The following SH3PXD2A variants were observed in gnomAD, a reference collection of about 807,000 sequenced individuals.
SH3PXD2A encodes SH3 and PX domains 2A.
In SH3PXD2A, 32 loss-of-function variants were observed where a neutral mutation model predicts 115.2. That is an observed-to-expected ratio of 0.28 (90% confidence interval 0.21 to 0.37). The LOEUF is 0.37. Ranked by LOEUF, SH3PXD2A falls within the 10% of genes least tolerant of loss-of-function variation. The pLI, the probability that SH3PXD2A is intolerant of heterozygous loss-of-function variation, is 1.00. For missense variants in SH3PXD2A, 1,328 were observed against 1,498.7 expected (o/e 0.89, Z 1.88); for synonymous variants, 610 against 629.1 (o/e 0.97, Z 0.45).
At chr10:103,848,867 C>T (rs7091042) in intron 1 of SH3PXD2A, among the ~76,000 whole-genome samples, 19,597 of 151,530 alleles carry the variant, frequency 0.13, 2,410 homozygotes, top group African/African-American at 0.32. Flanking sequence ...CGCCAGGTAC[C>T]GGTCTAAGCT....
At chr10:103,646,265 C>T (rs1014202471) in intron 8 of SH3PXD2A, among the ~76,000 whole-genome samples, 3 of 152,098 alleles carry the variant, frequency 2.0e-5, no homozygotes, top group African/African-American at 7.2e-5. Context: ...TGCCCCATTC[C>T]CTTCCTGTCT....
At position 103,661,197 on chromosome 10, in the gene SH3PXD2A, C is replaced by CG. The variant is rs2037295313; in HGVS notation, c.473-84dup. 1.5e-5 allele frequency: 22 copies of CG among 1,501,142 alleles called. No homozygotes were observed. In the East Asian group the frequency reaches 5.2e-4, roughly 36 times the overall value. The allele number at this position is 1,501,142 out of a possible 1,614,324, so 93.0% of individuals were successfully genotyped here. A position where few individuals can be genotyped will look rare whatever the true frequency, so the allele number is the denominator to read the frequency against. ...GGCGCCCCCTGTCCATCGGCCTCCTCGGGGGTGGCTGCTCTGTCGCCAGCG... is the reference window on the plus strand; with the variant it reads ...GGCGCCCCCTGTCCATCGGCCTCCTCGGGGGGTGGCTGCTCTGTCGCCAGCG... On this transcript the variant is annotated intron_variant, in intron 7 of 14. Coordinates refer to ENST00000369774, the MANE Select transcript of SH3PXD2A (RefSeq NM_001394015.1).
At position 103,855,179 on chromosome 10, in the gene SH3PXD2A, C is replaced by CG; in HGVS notation, c.72+15dup. On this transcript the variant is annotated intron_variant, in intron 1 of 14. Coordinates refer to ENST00000369774, the MANE Select transcript of SH3PXD2A (RefSeq NM_001394015.1). ...CTCGGGCCACCCCCAGCAGGGTCGGCGGGGGCTGTACTCACGTAGTGCTTG... is the reference window on the plus strand; with the variant it reads ...CTCGGGCCACCCCCAGCAGGGTCGGCGGGGGGCTGTACTCACGTAGTGCTTG... 6.6e-7 allele frequency: 1 copy of CG among 1,518,126 alleles called. No homozygotes were observed. 94.0% of individuals were successfully genotyped at this position (1,518,126 alleles called of 1,614,324 possible).
intron 13 of SH3PXD2A, chr10:103,609,602 T>A (rs2036394531): frequency 6.6e-6 from 1 of 152,178 alleles, no homozygotes; most frequent in Non-Finnish European, 1.5e-5. Context: ...GTCTACTGGG[T>A]GCCAGACACT....
At chr10:103,638,515 T>C (rs2036900337) in intron 8 of SH3PXD2A, among the ~76,000 whole-genome samples, 1 of 152,158 alleles carries the variant, frequency 6.6e-6, no homozygotes, top group African/African-American at 2.4e-5. Flanking sequence ...GGACACATGG[T>C]TAAATGACAG....
intron 8 of SH3PXD2A, among the ~76,000 whole-genome samples, chr10:103,644,585 C>CA (rs34818569): frequency 0.64 from 65,867 of 102,338 alleles, 20,076 homozygotes; most frequent in East Asian, 0.78. Flanking sequence ...GACCAAGTCT[C>CA]AAAAAAAAAA....
intron 6 of SH3PXD2A, among the ~76,000 whole-genome samples, chr10:103,677,538 C>G (rs1365884743): frequency 6.6e-6 from 1 of 152,086 alleles, no homozygotes; most frequent in Non-Finnish European, 1.5e-5. Flanking sequence ...GAATTCATTC[C>G]TGGACTGAGG....
intron 1 of SH3PXD2A, among the ~76,000 whole-genome samples, chr10:103,846,742 G>A (rs1040212501): frequency 3.9e-5 from 6 of 152,220 alleles, no homozygotes; most frequent in Non-Finnish European, 2.9e-5. Flanking sequence ...ACGGCTTGAG[G>A]AGCCAACCAA....
Position 103,601,753 on chromosome 10 carries a change from T to G in SH3PXD2A, c.*63A>C. The G allele has an allele frequency of 1.8e-6, 1 of 560,802 alleles. No individual in the cohort carries two copies. The highest frequency in any genetic ancestry group is 2.5e-6 in the Non-Finnish European group (1 of 398,514). The allele number at this position is 560,802 out of a possible 1,614,324, so 34.7% of individuals were successfully genotyped here. A position where few individuals can be genotyped will look rare whatever the true frequency, so the allele number is the denominator to read the frequency against. ...TTTTTTCCTTTCCCTTTTGTTCGTC[T>G]CACCGCTCATCCAGTGGGCGGCCAG... On this transcript the variant is annotated 3_prime_UTR_variant, in exon 15 of 15. Transcript: ENST00000369774.
intron 8 of SH3PXD2A, among the ~76,000 whole-genome samples, chr10:103,656,900 T>G (rs1048567153): frequency 2.0e-5 from 3 of 151,982 alleles, no homozygotes; most frequent in African/African-American, 7.2e-5. Context: ...TGCTGACTTT[T>G]GGTTCCCAGT....
At chr10:103,804,403 C>G (rs1434605545) in intron 1 of SH3PXD2A, among the ~76,000 whole-genome samples, 6 of 146,148 alleles carry the variant, frequency 4.1e-5, no homozygotes, top group South Asian at 2.2e-4. Flanking sequence ...CTCATTGTGA[C>G]CTCCGCCTCC....
At chr10:103,773,246 A>C (rs1386012011) in intron 2 of SH3PXD2A, among the ~76,000 whole-genome samples, 1 of 139,586 alleles carries the variant, frequency 7.2e-6, no homozygotes, top group African/African-American at 2.6e-5. Flanking sequence ...AAAAAAGAGA[A>C]AAAAAGAGAC....
intron 5 of SH3PXD2A, among the ~76,000 whole-genome samples, chr10:103,695,470 C>G (rs1454795240): frequency 6.6e-6 from 1 of 150,428 alleles, no homozygotes; most frequent in Non-Finnish European, 1.5e-5. Context: ...GGTGGTGCCA[C>G]TGCACTCCAG....
intron 2 of SH3PXD2A, among the ~76,000 whole-genome samples, chr10:103,773,050 C>G (rs895201655): frequency 9.9e-5 from 15 of 151,984 alleles, no homozygotes; most frequent in African/African-American, 2.9e-4. Flanking sequence ...ATGGTGAAAC[C>G]CTATCTCTAC....
intron 2 of SH3PXD2A, 80 bp downstream of exon 2, chr10:103,801,202 C>A (rs1589460490): frequency 2.4e-6 from 2 of 833,046 alleles, no homozygotes; most frequent in East Asian, 2.4e-5. Context: ...CTCTTGGGGG[C>A]TCCCTGGATA....
intron 6 of SH3PXD2A, among the ~76,000 whole-genome samples, chr10:103,674,867 CA>C (rs1040806209): frequency 4.6e-5 from 7 of 151,968 alleles, no homozygotes; most frequent in South Asian, 2.1e-4. Context: ...TAAAACAAAA[CA>C]AAAAAACAAA....
chr10:103,719,381 T>A (rs2038149925), intron 5 of SH3PXD2A, among the ~76,000 whole-genome samples: 1 of 152,232 alleles, frequency 6.6e-6, no homozygotes, highest in Non-Finnish European at 1.5e-5. Context: ...ACCTGCCAGT[T>A]GGGTGACTTC....
intron 3 of SH3PXD2A, among the ~76,000 whole-genome samples, chr10:103,750,482 G>T (rs1328168102): frequency 6.6e-6 from 1 of 152,198 alleles, no homozygotes; most frequent in Non-Finnish European, 1.5e-5. Flanking sequence ...TTGGAACACT[G>T]GTAACGAATG....
At chr10:103,668,765 C>T (rs531871855) in intron 6 of SH3PXD2A, 113 bp from the exon 7 acceptor site, 276 of 962,026 alleles carry the variant, frequency 2.9e-4, no homozygotes, top group Non-Finnish European at 4.1e-4. Context: ...CTCGGCCAGC[C>T]GCGGGCGGAA....
Sources: allele counts gnomAD v4.1 joint callset (sites outside exome capture counted in the v4.1 genomes callset), GRCh38; gene constraint gnomAD v4.1.1; transcripts MANE v1.5; gene names NCBI Gene and HGNC (gene_info 2026-07-23, HGNC 2026-07-21).